Variants in CSMD1 observed in about 807,000 individuals in gnomAD.
CSMD1 encodes CUB and sushi domain-containing protein 1.
In CSMD1, 213 loss-of-function variants were observed where a neutral mutation model predicts 417.5. That is an observed-to-expected ratio of 0.51 (90% CI 0.46 to 0.57). CSMD1 has a LOEUF of 0.57. Ranked by LOEUF, CSMD1 falls within the 20% of genes least tolerant of loss-of-function variation. The pLI, the probability that CSMD1 is intolerant of heterozygous loss-of-function variation, is 0.00. For missense variants in CSMD1, 6,923 were observed against 4,529.7 expected (o/e 1.53, Z -15.17); for synonymous variants, 2,862 against 1,736.8 (o/e 1.65, Z -16.11).
chr8:4,209,739 C>A (rs1387054014), intron 3 of CSMD1, among the ~76,000 whole-genome samples: 1 of 152,184 alleles, frequency 6.6e-6, no homozygotes, highest in Non-Finnish European at 1.5e-5. Context: ...AGATGTCCTG[C>A]TCCTAGCACA....
At chr8:3,300,975 A>AG (rs1250426601) in intron 25 of CSMD1, among the ~76,000 whole-genome samples, 1 of 145,688 alleles carries the variant, frequency 6.9e-6, no homozygotes, top group African/African-American at 2.7e-5. Flanking sequence ...AAAAAAAAAA[A>AG]AAAAAAGAGA....
chr8:3,132,135 T>C (rs1352160671), intron 41 of CSMD1, among the ~76,000 whole-genome samples: 6 of 152,208 alleles, frequency 3.9e-5, no homozygotes, highest in Admixed American at 2.6e-4. Flanking sequence ...TCAGTGTGCC[T>C]GCTCTGCGAG....
intron 41 of CSMD1, among the ~76,000 whole-genome samples, chr8:3,136,297 C>T (rs1818084575): frequency 6.7e-6 from 1 of 149,688 alleles, no homozygotes; most frequent in African/African-American, 2.5e-5. Context: ...CGCTCTGTCA[C>T]CCAGACTGGA....
intron 3 of CSMD1, among the ~76,000 whole-genome samples, chr8:4,261,102 T>A (rs1321593957): frequency 6.6e-6 from 1 of 152,208 alleles, no homozygotes; most frequent in African/African-American, 2.4e-5. Flanking sequence ...TTTCTATGTG[T>A]CATTTACACA....
intron 10 of CSMD1, among the ~76,000 whole-genome samples, chr8:3,563,524 T>C (rs184441385): frequency 6.9e-6 from 1 of 144,996 alleles, no homozygotes; most frequent in Admixed American, 6.9e-5. Context: ...TATTTACACC[T>C]CCCTGTATCT....
intron 1 of CSMD1, among the ~76,000 whole-genome samples, chr8:4,666,062 C>A (rs1198695971): frequency 6.6e-6 from 1 of 152,106 alleles, no homozygotes; most frequent in African/African-American, 2.4e-5. Flanking sequence ...GTAACTGGCA[C>A]ATAGGACAAT....
At chr8:3,754,473 G>C (rs1468200850) in intron 5 of CSMD1, among the ~76,000 whole-genome samples, 3 of 101,118 alleles carry the variant, frequency 3.0e-5, no homozygotes, top group Non-Finnish European at 4.7e-5. Flanking sequence ...TATTTATTTT[G>C]AGACGGAGTC....
intron 5 of CSMD1, among the ~76,000 whole-genome samples, chr8:3,782,101 A>G (rs1799215805): frequency 6.6e-6 from 1 of 152,196 alleles, no homozygotes; most frequent in Non-Finnish European, 1.5e-5. Flanking sequence ...AAAATTTGAG[A>G]GCCATGAAGA....
Position 3,396,312 on chromosome 8 carries a change from G to C in CSMD1, c.2475C>G (p.Ile825Met), listed in dbSNP as rs774181273. 1 of 1,607,146 alleles carries C rather than the reference G, an allele frequency of 6.2e-7. No homozygotes were observed. The highest frequency in any genetic ancestry group is 8.5e-7 in the Non-Finnish European group (1 of 1,176,794). Reference sequence around the variant, plus strand: ...GTGCCTGGGTGCCGTGGTACTCGCCGATCAGTGGGGACGAACTGGCTGGCC... The same window carrying C: ...GTGCCTGGGTGCCGTGGTACTCGCCCATCAGTGGGGACGAACTGGCTGGCC... ...RDGPASSSPL[I>M]GEYHGTQAPQ... Residue 825 changes from isoleucine to methionine, a missense_variant, in exon 17 of 70, where the codon ATC (isoleucine) becomes ATG (methionine). Ile to Met is a conservative substitution (Grantham distance 10). Transcript: ENST00000635120.
intron 5 of CSMD1, among the ~76,000 whole-genome samples, chr8:3,796,377 TATATATATATCTATCATGTATAG>T (rs1800136858): frequency 1.4e-4 from 3 of 21,834 alleles, no homozygotes; most frequent in African/African-American, 2.4e-4. Context: ...ATCTATCATG[TATATATATATCTATCATGTATAG>T]ATATAGATAT....
chr8:3,492,052 T>C lies in CSMD1; in HGVS notation c.1448+1571A>G, dbSNP rs538053639. Among the ~76,000 whole-genome samples, 55 of 152,274 alleles carry C rather than the reference T, an allele frequency of 3.6e-4. No homozygotes were observed. In the South Asian group the frequency reaches 0.011, roughly 32 times the overall value. On this transcript the variant is annotated intron_variant, in intron 11 of 69. Transcript: ENST00000635120. ...AGGGATGAGGAAAAGGATTAATCAG[T>C]GAAGGAGAACTTGTGAGTCATTCAA...
chr8:3,265,715 C>T (rs1487099907), intron 26 of CSMD1, among the ~76,000 whole-genome samples: 1 of 152,116 alleles, frequency 6.6e-6, no homozygotes, highest in Non-Finnish European at 1.5e-5. Flanking sequence ...GTTTTTTTCT[C>T]AAAGCAGGGC....
chr8:3,818,412 C>T (rs999025579), intron 5 of CSMD1, among the ~76,000 whole-genome samples: 2 of 152,118 alleles, frequency 1.3e-5, no homozygotes, highest in African/African-American at 4.8e-5. Flanking sequence ...CAGAAAACAG[C>T]ACCAAACAAT....
intron 1 of CSMD1, among the ~76,000 whole-genome samples, chr8:4,682,014 G>C (rs1420081047): frequency 2.0e-5 from 3 of 152,166 alleles, no homozygotes; most frequent in East Asian, 1.9e-4. Flanking sequence ...CATTTTATTG[G>C]ATAAATTTGT....
At chr8:3,793,759 G>A (rs983214256) in intron 5 of CSMD1, among the ~76,000 whole-genome samples, 1 of 152,100 alleles carries the variant, frequency 6.6e-6, no homozygotes, top group Non-Finnish European at 1.5e-5. Flanking sequence ...TCTGGAACTG[G>A]TAGGAACTTG....
At chr8:3,744,294 G>A (rs929490981) in intron 6 of CSMD1, among the ~76,000 whole-genome samples, 2 of 152,114 alleles carry the variant, frequency 1.3e-5, no homozygotes, top group Non-Finnish European at 2.9e-5. Flanking sequence ...AAAGGCGGAT[G>A]GGGACACAGC....
At chr8:3,823,537 A>T (rs1460484033) in intron 5 of CSMD1, among the ~76,000 whole-genome samples, 3 of 152,218 alleles carry the variant, frequency 2.0e-5, no homozygotes, top group Non-Finnish European at 4.4e-5. Flanking sequence ...AAAATAAAGT[A>T]TAACTTAATA....
rs548493452 is a variant in CSMD1, at chr8:3,148,947, T to C, written c.6031+2450A>G. ...ATCTATTCTAAAAAGCTAGGGATAATACTTTTCATGCCTGTTTGATTTGAG... is the reference window on the plus strand; with the variant it reads ...ATCTATTCTAAAAAGCTAGGGATAACACTTTTCATGCCTGTTTGATTTGAG... On this transcript the variant is annotated intron_variant, in intron 40 of 69. Transcript: ENST00000635120. Among the ~76,000 whole-genome samples, 24 of 152,376 alleles carry C rather than the reference T, an allele frequency of 1.6e-4. No individual in the cohort carries two copies. The South Asian group carries it at 4.8e-3, about 30-fold the overall frequency.
chr8:4,576,327 T>C (rs1327108294), intron 2 of CSMD1, among the ~76,000 whole-genome samples: 2 of 152,264 alleles, frequency 1.3e-5, no homozygotes, highest in Non-Finnish European at 2.9e-5. Context: ...TCTTTTCTCC[T>C]GGCTTCTCTC....
Sources: allele counts gnomAD v4.1 joint callset (sites outside exome capture counted in the v4.1 genomes callset), GRCh38; gene constraint gnomAD v4.1.1; transcripts MANE v1.5; gene names NCBI Gene and HGNC (gene_info 2026-07-23, HGNC 2026-07-21).